The following HVCN1 variants were observed in gnomAD, a reference collection of about 807,000 sequenced individuals.
HVCN1 encodes the protein voltage-gated hydrogen channel 1.
HVCN1 carries 14 observed loss-of-function variants against 29.2 expected under a neutral mutation model. The observed-to-expected ratio is 0.48, with a 90% CI of 0.32 to 0.75. The LOEUF (loss-of-function observed/expected upper bound fraction) is 0.75, where lower values mean the gene tolerates loss of function less well. Among genes scored for constraint, HVCN1 ranks in the 30% least tolerant of loss-of-function variants. The pLI is 0.04. For synonymous variants in HVCN1, 131 were observed against 133.2 expected, an observed-to-expected ratio of 0.98 and a Z score of 0.11; for missense variants, 263 against 341.8, an observed-to-expected ratio of 0.77 and a Z score of 1.82.
At chr12:110,696,843 A>G (rs1222606338) in intron 2 of HVCN1, among the ~76,000 whole-genome samples, 2 of 152,194 alleles carry the variant, frequency 1.3e-5, no homozygotes, top group Non-Finnish European at 2.9e-5. Flanking sequence ...GTTTGATTAA[A>G]AAAGATAACT....
intron 3 of HVCN1, among the ~76,000 whole-genome samples, chr12:110,682,474 C>T (rs58780379): frequency 5.4e-4 from 82 of 152,252 alleles, no homozygotes; most frequent in African/African-American, 1.9e-3. Context: ...GCTGGGATTA[C>T]AGGCATGAGC....
chr12:110,654,078 A>T (rs1296131936), intron 5 of HVCN1, among the ~76,000 whole-genome samples: 1 of 152,178 alleles, frequency 6.6e-6, no homozygotes, highest in Non-Finnish European at 1.5e-5. Flanking sequence ...GCCATTTTTC[A>T]TAAAAAGTTG....
At chr12:110,655,524 C>G (rs935564955) in intron 4 of HVCN1, among the ~76,000 whole-genome samples, 186 bp from the exon 5 acceptor site, 7 of 152,216 alleles carry the variant, frequency 4.6e-5, no homozygotes, top group African/African-American at 1.4e-4. Flanking sequence ...GCCAGCTCCT[C>G]TCTGATAGAA....
intron 1 of HVCN1, among the ~76,000 whole-genome samples, chr12:110,704,130 A>G (rs1470960032): frequency 6.6e-6 from 1 of 152,172 alleles, no homozygotes; most frequent in Non-Finnish European, 1.5e-5. Context: ...ATGGGCCAGG[A>G]TATTCCCTCT....
At chr12:110,668,164 AGCAGCCCCCAG>A (rs1397016482) in intron 3 of HVCN1, among the ~76,000 whole-genome samples, 1 of 152,114 alleles carries the variant, frequency 6.6e-6, no homozygotes, top group Non-Finnish European at 1.5e-5. Flanking sequence ...CCTGGCTCAG[AGCAGCCCCCAG>A]CTCTGGAAGT....
chr12:110,661,327 T>G lies in HVCN1; in HGVS notation c.143A>C (p.Glu48Ala). ...CTGCTCCTCCTCCTCCTCCTCCTCT[T>G]CATTCTCCCATTTCTTGTAGTTGAT... ...WNINYKKWEN[E>A]EEEEEEEQPP... The change falls in exon 4 of 8, where the codon GAA becomes GCA. Residue 48 changes from glutamate (E) to alanine (A), a missense_variant. Physicochemically the swap from Glu to Ala is moderately radical, Grantham distance 107 (BLOSUM62 -1). Coordinates refer to ENST00000242607, the MANE Select transcript of HVCN1 (RefSeq NM_032369.4). The surrounding 1 kb of genome is among the most constrained non-coding windows in gnomAD (Gnocchi z 6.2). The G allele has an allele frequency of 6.2e-7, 1 of 1,614,206 alleles. No homozygotes were observed. The highest frequency in any genetic ancestry group is 8.5e-7 in the Non-Finnish European group (1 of 1,180,024).
chr12:110,701,800 T>C (rs988439358), intron 2 of HVCN1, among the ~76,000 whole-genome samples: 1 of 150,738 alleles, frequency 6.6e-6, no homozygotes, highest in Non-Finnish European at 1.5e-5. Context: ...AAGGTTGCAG[T>C]GAGCTGAGAT....
At chr12:110,664,304 TTTG>T (rs1452903831) in intron 3 of HVCN1, among the ~76,000 whole-genome samples, 4 of 152,196 alleles carry the variant, frequency 2.6e-5, no homozygotes, top group African/African-American at 9.7e-5. Flanking sequence ...TACTGAAATG[TTTG>T]TTAAGCAACA....
At chr12:110,678,716 T>C (rs1368420813) in intron 3 of HVCN1, among the ~76,000 whole-genome samples, 3 of 152,188 alleles carry the variant, frequency 2.0e-5, no homozygotes, top group Non-Finnish European at 2.9e-5. Context: ...CCTCCCAAAG[T>C]GCTGGGATTA....
chr12:110,685,397 C>T (rs1041395502), intron 2 of HVCN1, among the ~76,000 whole-genome samples: 3 of 152,278 alleles, frequency 2.0e-5, no homozygotes, highest in South Asian at 2.1e-4. Context: ...CCACTGAGAC[C>T]GATTGTGGAC....
intron 5 of HVCN1, among the ~76,000 whole-genome samples, chr12:110,652,129 C>T (rs2136246328): frequency 6.6e-6 from 1 of 152,358 alleles, no homozygotes; most frequent in Middle Eastern, 3.4e-3. Context: ...CACAGTGGCT[C>T]ATGCCTGTAA....
chr12:110,681,735 G>T (rs1055814911), intron 3 of HVCN1, among the ~76,000 whole-genome samples: 1 of 151,998 alleles, frequency 6.6e-6, no homozygotes, highest in Non-Finnish European at 1.5e-5. Flanking sequence ...ACTCACCCCT[G>T]CTGCTGCCCT....
chr12:110,650,625 C>T (rs900820739), intron 6 of HVCN1, among the ~76,000 whole-genome samples: 1 of 152,146 alleles, frequency 6.6e-6, no homozygotes, highest in Non-Finnish European at 1.5e-5. Context: ...GGAAATGCCC[C>T]CTTTCCCCAT....
chr12:110,701,104 T>G (rs954919565), intron 2 of HVCN1, among the ~76,000 whole-genome samples: 1 of 152,222 alleles, frequency 6.6e-6, no homozygotes, highest in Non-Finnish European at 1.5e-5. Context: ...CTGGTCTCAC[T>G]GAGGCCTTGT....
chr12:110,685,680 T>TG (rs1372274867), intron 2 of HVCN1, among the ~76,000 whole-genome samples: 6 of 152,118 alleles, frequency 3.9e-5, no homozygotes, highest in Admixed American at 1.3e-4. Flanking sequence ...CCCTTTTTTT[T>TG]TTGTTGTTGT....
rs764963593 is a variant in HVCN1, at chr12:110,650,156, C to T, written c.756+12G>A. 32 of 1,570,728 alleles carry T rather than the reference C, an allele frequency of 2.0e-5. No individual in the cohort carries two copies. In the East Asian group the frequency reaches 4.3e-4, roughly 21 times the overall value. ...CACCACGCCTGGTCCCCAGATGTGT[C>T]GTCTTTCTTACCTTCTCAGAGCAGC... On this transcript the variant is annotated intron_variant, in intron 7 of 7. Transcript: ENST00000242607.
chr12:110,685,382 C>T (rs943885215), intron 2 of HVCN1, among the ~76,000 whole-genome samples: 3 of 152,194 alleles, frequency 2.0e-5, no homozygotes, highest in Non-Finnish European at 4.4e-5. Flanking sequence ...TACCTTGACT[C>T]GAGCCCACTG....
At chr12:110,701,304 C>T (rs1190767482) in intron 2 of HVCN1, among the ~76,000 whole-genome samples, 2 of 152,166 alleles carry the variant, frequency 1.3e-5, no homozygotes, top group Non-Finnish European at 2.9e-5. Context: ...TATAAAACTA[C>T]TAGGGCCTAG....
At chr12:110,684,454 G>A (rs887470682) in intron 2 of HVCN1, among the ~76,000 whole-genome samples, 7 of 152,222 alleles carry the variant, frequency 4.6e-5, no homozygotes, top group African/African-American at 1.4e-4. Context: ...ATCAGTGAAT[G>A]CACCTCTGAG....
Sources: allele counts gnomAD v4.1 joint callset (sites outside exome capture counted in the v4.1 genomes callset), GRCh38; gene constraint gnomAD v4.1.1; non-coding constraint Gnocchi (gnomAD v3.1); transcripts MANE v1.5; gene names NCBI Gene and HGNC (gene_info 2026-07-23, HGNC 2026-07-21).